IQCH: variants seen among roughly 807,000 people sequenced by gnomAD.
The protein encoded by IQCH is IQ motif containing H, also known as IQ domain-containing protein H.
Under a neutral mutation model 117.0 loss-of-function variants are expected in IQCH, and 98 were observed. That is an observed-to-expected ratio of 0.84 (90% CI 0.71 to 0.99). The LOEUF (loss-of-function observed/expected upper bound fraction) is 0.99. IQCH is among the 50% of genes least tolerant of loss of function. IQCH has a pLI of 0.00. For missense variants in IQCH, 1,102 were observed against 1,243.8 expected, an observed-to-expected ratio of 0.89 and a Z score of 1.72; for synonymous variants, 412 against 448.2, an observed-to-expected ratio of 0.92 and a Z score of 1.02.
intron 3 of IQCH, among the ~76,000 whole-genome samples, chr15:67,276,725 C>A (rs1966140237): frequency 6.6e-6 from 1 of 150,976 alleles, no homozygotes; most frequent in Non-Finnish European, 1.5e-5. Context: ...AATTTTTTTT[C>A]TCCCTGGCTT....
At chr15:67,449,149 A>G (rs1297523275) in intron 16 of IQCH, among the ~76,000 whole-genome samples, 2 of 151,782 alleles carry the variant, frequency 1.3e-5, no homozygotes, top group South Asian at 2.1e-4. Flanking sequence ...AGTAGGTTGC[A>G]AAAATTTTCT....
chr15:67,377,116 AAAAAAAAAAAAAAAAG>A (rs915192990), intron 10 of IQCH, among the ~76,000 whole-genome samples: 21 of 91,836 alleles, frequency 2.3e-4, no homozygotes, highest in Non-Finnish European at 4.4e-4. Context: ...ACTCCATCTC[AAAAAAAAAAAAAAAAG>A]AAAAAAAGAA....
intron 4 of IQCH, among the ~76,000 whole-genome samples, chr15:67,322,929 G>A (rs1186550367): frequency 1.3e-5 from 2 of 152,146 alleles, no homozygotes; most frequent in African/African-American, 4.8e-5. Context: ...CCACTCAAAG[G>A]TGGGCATGAC....
intron 3 of IQCH, among the ~76,000 whole-genome samples, chr15:67,271,450 T>A (rs1435536184): frequency 6.6e-6 from 1 of 152,218 alleles, no homozygotes; most frequent in East Asian, 1.9e-4. Flanking sequence ...GAAATTTCCT[T>A]CTCTTCATTT....
intron 20 of IQCH, among the ~76,000 whole-genome samples, chr15:67,499,219 AG>A (rs2141117122): frequency 7.2e-6 from 1 of 139,452 alleles, no homozygotes; most frequent in Non-Finnish European, 1.5e-5. Context: ...GAATTGCTTG[AG>A]CCCAGAAGGT....
rs145301595 is a variant in IQCH, at chr15:67,436,853, G to A, written c.2505+15276G>A. Among the ~76,000 whole-genome samples the A allele has an allele frequency of 7.7e-3, 1,175 of 152,158 alleles. 7 individuals carry two copies. Among genetic ancestry groups the A allele is most frequent in the Non-Finnish European group, 0.01 (699 of 68,000 alleles). On this transcript the variant is annotated intron_variant, in intron 16 of 20. Transcript: ENST00000335894. This position sits in a 1 kb window ranked among gnomAD's most constrained non-coding sequence, Gnocchi z 5.1. ...ATCCTCCTAGGTACACAACTCCAGTGACCTGGGAACCTCACCCTCATCCCC... is the reference window on the plus strand; with the variant it reads ...ATCCTCCTAGGTACACAACTCCAGTAACCTGGGAACCTCACCCTCATCCCC...
chr15:67,414,326 C>A (rs1259954825), intron 14 of IQCH, among the ~76,000 whole-genome samples: 1 of 152,176 alleles, frequency 6.6e-6, no homozygotes, highest in Non-Finnish European at 1.5e-5. Context: ...TAAGCAGCCC[C>A]AAGAGAGCTG....
intron 10 of IQCH, among the ~76,000 whole-genome samples, chr15:67,382,907 A>G (rs1970984429): frequency 6.6e-6 from 1 of 152,216 alleles, no homozygotes. Flanking sequence ...TTTCGTGGTT[A>G]AGTCACTGTT....
chr15:67,372,695 T>C (rs1219275627), intron 9 of IQCH, 33 bp downstream of exon 9: 1 of 1,536,114 alleles, frequency 6.5e-7, no homozygotes. Flanking sequence ...AAGGCAGACC[T>C]CTTTTTCTAA....
At chr15:67,429,965 G>A (rs1240596242) in intron 16 of IQCH, among the ~76,000 whole-genome samples, 2 of 152,110 alleles carry the variant, frequency 1.3e-5, no homozygotes, top group African/African-American at 4.8e-5. Context: ...TAGAACACAC[G>A]GTCATTTTGT....
intron 20 of IQCH, among the ~76,000 whole-genome samples, chr15:67,497,372 G>C (rs1343204873): frequency 6.6e-6 from 1 of 151,872 alleles, no homozygotes; most frequent in Non-Finnish European, 1.5e-5. Flanking sequence ...CCATCAACAA[G>C]TTTATAAGAC....
chr15:67,329,756 G>T (rs1395742638), intron 4 of IQCH, among the ~76,000 whole-genome samples: 1 of 151,822 alleles, frequency 6.6e-6, no homozygotes, highest in Admixed American at 6.6e-5. Context: ...GGCATGAGCC[G>T]CTGCACCTAG....
chr15:67,418,513 C>CCACACACACACACACACA (rs368875296), intron 15 of IQCH, among the ~76,000 whole-genome samples: 48 of 114,108 alleles, frequency 4.2e-4, no homozygotes, highest in African/African-American at 6.4e-4. Context: ...CAAGTGGCTA[C>CCACACACACACACACACA]CACACACACA....
intron 3 of IQCH, among the ~76,000 whole-genome samples, chr15:67,276,994 T>C (rs964781451): frequency 2.0e-5 from 3 of 152,238 alleles, no homozygotes; most frequent in Non-Finnish European, 4.4e-5. Flanking sequence ...ACTGTTTTGT[T>C]CATTCTCTTT....
intron 4 of IQCH, among the ~76,000 whole-genome samples, chr15:67,293,418 T>C (rs1414386525): frequency 6.6e-6 from 1 of 152,164 alleles, no homozygotes; most frequent in Non-Finnish European, 1.5e-5. Context: ...TGATATAAAA[T>C]AGTGTAATAT....
At chr15:67,301,554 C>T (rs941929106) in intron 4 of IQCH, among the ~76,000 whole-genome samples, 1 of 151,480 alleles carries the variant, frequency 6.6e-6, no homozygotes, top group Non-Finnish European at 1.5e-5. Context: ...GGACCACAGG[C>T]GCACGCTACT....
Position 67,496,491 on chromosome 15 carries a change from T to C in IQCH, c.2970+2125T>C, listed in dbSNP as rs2099914810. Among the ~76,000 whole-genome samples, 1 of 152,160 alleles carries C rather than the reference T, an allele frequency of 6.6e-6. No individual in the cohort carries two copies. Among genetic ancestry groups the C allele is most frequent in the South Asian group, 2.1e-4 (1 of 4,826 alleles). ...TTAGGAACAAGACAAGGGTGTCTGC[T>C]CTTGCCACCTCTATTCATCATTGTA... On this transcript the variant is annotated intron_variant, in intron 20 of 20. Coordinates refer to ENST00000335894, the MANE Select transcript of IQCH (RefSeq NM_001031715.3). This position sits in a 1 kb window ranked among gnomAD's most constrained non-coding sequence, Gnocchi z 4.4.
At chr15:67,389,752 C>T (rs1971223786) in intron 12 of IQCH, among the ~76,000 whole-genome samples, 1 of 151,732 alleles carries the variant, frequency 6.6e-6, no homozygotes, top group Non-Finnish European at 1.5e-5. Flanking sequence ...TGTTCATTTA[C>T]AATTGAAATG....
chr15:67,264,509 C>T (rs552495547), intron 3 of IQCH, among the ~76,000 whole-genome samples: 1 of 152,230 alleles, frequency 6.6e-6, no homozygotes, highest in South Asian at 2.1e-4. Flanking sequence ...TACTGGCAGG[C>T]CTTTGTTCCT....
Sources: gnomAD v4.1 joint callset for allele counts (sites outside exome capture counted in the v4.1 genomes callset) on GRCh38, gnomAD v4.1.1 for gene constraint, Gnocchi (gnomAD v3.1) non-coding constraint, MANE v1.5 for transcripts, NCBI Gene and HGNC (gene_info 2026-07-23, HGNC 2026-07-21) for gene names.